Variants in CSAG3 observed in about 807,000 individuals in gnomAD.
CSAG3 encodes CSAG family member 3.
For missense variants in CSAG3, 15 were observed against 93.0 expected (o/e 0.16, Z 3.45); for synonymous variants, 4 against 34.0 (o/e 0.12, Z 3.07).
At chrX:152,758,829 T>TCTTTCTCTCTC (rs1932603172), upstream of CSAG3, 17 of 50,644 alleles carry the variant, frequency 3.4e-4, no homozygotes, top group African/African-American at 1.2e-3. Context: ...CTCTCTCTCT[T>TCTTTCTCTCTC]TCTCTCTCTC....
At chrX:152,757,713 C>T, upstream of CSAG3, among the ~76,000 whole-genome samples, 1 of 27,123 alleles carries the variant, frequency 3.7e-5, no homozygotes, top group Non-Finnish European at 5.5e-5. Flanking sequence ...TGTATACATT[C>T]ATATACAAAT....
upstream of CSAG3, chrX:152,758,829 TTCTCTCTCTCTCTCTCTCTCTCTCTCTC>T (rs1170908672): frequency 3.9e-5 from 2 of 50,634 alleles, no homozygotes; most frequent in African/African-American, 1.4e-4. Context: ...CTCTCTCTCT[TTCTCTCTCTCTCTCTCTCTCTCTCTCTC>T]TCTCTCTCTC....
At chrX:152,759,194 A>C (rs1932619127), upstream of CSAG3, 1 of 289,333 alleles carries the variant, frequency 3.5e-6, no homozygotes, top group Non-Finnish European at 6.3e-6. Context: ...ATTTTGAGTT[A>C]CATTTCTGTA....
chrX:152,758,805 T>TTCTC (rs1254146710), upstream of CSAG3: 4,581 of 54,631 alleles, frequency 0.084, 336 homozygotes, highest in South Asian at 0.15. Context: ...TACATGACCT[T>TTCTC]TCTCTCTCTC....
upstream of CSAG3, chrX:152,755,316 C>CT (rs1297204294): frequency 1.3e-5 from 1 of 76,860 alleles, no homozygotes; most frequent in Non-Finnish European, 2.6e-5. Context: ...ATTTCAAGCT[C>CT]TTTTTTCCTG....
upstream of CSAG3, among the ~76,000 whole-genome samples, chrX:152,758,733 A>T (rs1932597023): frequency 1.5e-5 from 1 of 66,326 alleles, no homozygotes; most frequent in Admixed American, 2.2e-4. Context: ...TGGGACCTTG[A>T]TCCCATAGAA....
At chrX:152,758,829 T>TCTCTTTCTCTCTC (rs1932603172), upstream of CSAG3, 1 of 50,635 alleles carries the variant, frequency 2.0e-5, no homozygotes, top group African/African-American at 7.2e-5. Context: ...CTCTCTCTCT[T>TCTCTTTCTCTCTC]TCTCTCTCTC....
At chrX:152,757,607 A>T (rs1183737445), upstream of CSAG3, among the ~76,000 whole-genome samples, 12,716 of 51,449 alleles carry the variant, frequency 0.25, 3,363 homozygotes, top group Non-Finnish European at 0.3. Flanking sequence ...ATGTCTGGTT[A>T]TATATATATA....
chrX:152,757,796 T>A (rs1161083321), upstream of CSAG3, among the ~76,000 whole-genome samples: 1 of 5,600 alleles, frequency 1.8e-4, no homozygotes, highest in Non-Finnish European at 2.3e-4. Flanking sequence ...TTGTGCTAAG[T>A]CTATTTTCAT....
At chrX:152,758,749 T>G (rs1483400029), upstream of CSAG3, among the ~76,000 whole-genome samples, 39 of 74,956 alleles carry the variant, frequency 5.2e-4, no homozygotes, top group Middle Eastern at 0.014. Context: ...TAGAATTAGT[T>G]TGGTTATAAG....
At chrX:152,758,829 T>TTCTCTCTCTCTCTCTCTC (rs1170908672), upstream of CSAG3, 10 of 50,630 alleles carry the variant, frequency 2.0e-4, no homozygotes, top group Non-Finnish European at 2.6e-4. Flanking sequence ...CTCTCTCTCT[T>TTCTCTCTCTCTCTCTCTC]TCTCTCTCTC....
upstream of CSAG3, chrX:152,759,047 G>T (rs1932615339): frequency 9.8e-6 from 2 of 205,029 alleles, no homozygotes; most frequent in Non-Finnish European, 1.8e-5. Flanking sequence ...AATTTCTGTT[G>T]TTTTAGCTAC....
chrX:152,759,259 C>T (rs1188558406), exon 1 of CSAG3: 1 of 379,018 alleles, frequency 2.6e-6, no homozygotes, highest in African/African-American at 2.6e-5. Context: ...CTAGGCTATA[C>T]TGCTCAGCTG....
chrX:152,757,608 TATATATATATATATATGTA>T (rs1932586385), upstream of CSAG3, among the ~76,000 whole-genome samples: 6 of 43,782 alleles, frequency 1.4e-4, no homozygotes, highest in South Asian at 1.3e-3. Flanking sequence ...TGTCTGGTTA[TATATATATATATATATGTA>T]TATATATATA....
At chrX:152,759,778 C>T in intron 1 of CSAG3, 65 bp from the exon 2 acceptor site, 1 of 1,165,326 alleles carries the variant, frequency 8.6e-7, no homozygotes, top group Non-Finnish European at 1.2e-6. Context: ...AGCCCCTGTT[C>T]TCACCCCTCC....
chrX:152,757,611 ATATATATATATATG>A (rs1221537670), upstream of CSAG3, among the ~76,000 whole-genome samples: 156 of 44,736 alleles, frequency 3.5e-3, 27 homozygotes, highest in African/African-American at 0.013. Flanking sequence ...CTGGTTATAT[ATATATATATATATG>A]TATATATATA....
exon 1 of CSAG3, chrX:152,759,480 T>C (rs1368221260): frequency 8.4e-7 from 1 of 1,187,637 alleles, no homozygotes; most frequent in African/African-American, 1.8e-5. Context: ...TGTGAGTTTC[T>C]AGCCTGCTGG....
upstream of CSAG3, chrX:152,758,805 TTCTCTCTCTCTCTCTCTCTCTCTTTCTC>T (rs1932599676): frequency 3.6e-5 from 2 of 55,728 alleles, no homozygotes; most frequent in African/African-American, 7.6e-5. Flanking sequence ...TACATGACCT[TTCTCTCTCTCTCTCTCTCTCTCTTTCTC>T]TCTCTCTCTC....
upstream of CSAG3, among the ~76,000 whole-genome samples, chrX:152,757,617 ATATATATG>A (rs1222357572): frequency 3.4e-3 from 154 of 44,736 alleles, 30 homozygotes; most frequent in African/African-American, 0.017. Flanking sequence ...ATATATATAT[ATATATATG>A]TATATATATA....
Sources: allele counts gnomAD v4.1 joint callset (sites outside exome capture counted in the v4.1 genomes callset), GRCh38; gene constraint gnomAD v4.1.1; transcripts MANE v1.5; gene names NCBI Gene and HGNC (gene_info 2026-07-23, HGNC 2026-07-21).